Variants in NRG3 observed in about 807,000 individuals in gnomAD.
NRG3 encodes the protein pro-neuregulin-3, membrane-bound isoform.
In NRG3, 31 loss-of-function variants were observed where a neutral mutation model predicts 66.9. The ratio of observed to expected loss-of-function variants is 0.46; its 90% confidence interval spans 0.35 to 0.63. The LOEUF (loss-of-function observed/expected upper bound fraction) is 0.63. Ranked by LOEUF, NRG3 falls within the 20% of genes least tolerant of loss-of-function variation. The pLI is 0.00. For synonymous variants in NRG3, 393 were observed against 359.4 expected (o/e 1.09, Z -1.06); for missense variants, 910 against 878.9 (o/e 1.04, Z -0.45).
chr10:82,341,035 C>A lies in NRG3; in HGVS notation c.824-17704C>A, dbSNP rs138126523. On this transcript the variant is annotated intron_variant, in intron 1 of 8. Coordinates refer to ENST00000372141, the MANE Select transcript of NRG3 (RefSeq NM_001010848.4). ...GTATAAATGCTTGAGGAGATGGATA[C>A]CCCATTTTCCATGTTGTGATTATTA... Among the ~76,000 whole-genome samples the A allele has an allele frequency of 6.8e-3, 1,033 of 152,054 alleles. 6 individuals are homozygous for A. Among genetic ancestry groups the A allele is most frequent in the South Asian group, 0.026 (123 of 4,816 alleles).
intron 6 of NRG3, among the ~76,000 whole-genome samples, chr10:82,965,476 G>T (rs1189032180): frequency 6.6e-6 from 1 of 152,126 alleles, no homozygotes; most frequent in Admixed American, 6.5e-5. Context: ...TGGTTCACAC[G>T]TATGATCCCA....
At chr10:82,316,375 T>C (rs1051862136) in intron 1 of NRG3, among the ~76,000 whole-genome samples, 1 of 152,160 alleles carries the variant, frequency 6.6e-6, no homozygotes, top group Admixed American at 6.5e-5. Context: ...GTGAATTCTA[T>C]GAGGAGATAT....
In NRG3 at chr10:82,413,959, A is replaced by G. The variant is rs189637798; in HGVS notation, c.953+55091A>G. Among the ~76,000 whole-genome samples, 4 of 152,238 alleles carry G rather than the reference A, an allele frequency of 2.6e-5. No individual in the cohort carries two copies. The East Asian group carries it at 7.7e-4, about 29-fold the overall frequency. ...TTGTGGCTCGTTTGATCTTCTATTC[A>G]GACCACTAAAACTTTCTCCATATTA... On this transcript the variant is annotated intron_variant, in intron 2 of 8. Transcript: ENST00000372141.
chr10:82,700,078 G>A (rs1331921635), intron 2 of NRG3, among the ~76,000 whole-genome samples: 1 of 152,170 alleles, frequency 6.6e-6, no homozygotes, highest in Non-Finnish European at 1.5e-5. Context: ...TATTTCACGT[G>A]TGGTGGTCCA....
intron 1 of NRG3, among the ~76,000 whole-genome samples, chr10:82,171,081 T>C (rs1410235390): frequency 2.6e-5 from 4 of 152,044 alleles, no homozygotes; most frequent in Admixed American, 6.6e-5. Flanking sequence ...TTTTCTTTCA[T>C]TTTCTTTTCC....
At chr10:82,647,768 T>A (rs1334052020) in intron 2 of NRG3, among the ~76,000 whole-genome samples, 1 of 152,168 alleles carries the variant, frequency 6.6e-6, no homozygotes, top group Non-Finnish European at 1.5e-5. Flanking sequence ...TGGTGAGCAT[T>A]TTTTCATGTG....
intron 2 of NRG3, among the ~76,000 whole-genome samples, chr10:82,608,199 T>G (rs1432036424): frequency 1.3e-5 from 2 of 152,148 alleles, no homozygotes; most frequent in Non-Finnish European, 2.9e-5. Flanking sequence ...TGGATACAGA[T>G]TTTAGCTTGG....
chr10:82,178,991 A>G (rs1356893640), intron 1 of NRG3, among the ~76,000 whole-genome samples: 1 of 152,088 alleles, frequency 6.6e-6, no homozygotes, highest in Admixed American at 6.6e-5. Flanking sequence ...CTGATGATCA[A>G]TGATATTGAA....
intron 3 of NRG3, among the ~76,000 whole-genome samples, chr10:82,767,986 C>A (rs546849305): frequency 1.3e-5 from 2 of 151,976 alleles, no homozygotes; most frequent in Non-Finnish European, 2.9e-5. Flanking sequence ...TTGGAGCAGG[C>A]CTTCATTTTA....
At chr10:82,268,239 C>T (rs1388996827) in intron 1 of NRG3, among the ~76,000 whole-genome samples, 1 of 152,046 alleles carries the variant, frequency 6.6e-6, no homozygotes, top group Non-Finnish European at 1.5e-5. Flanking sequence ...TTATCATTTT[C>T]CTTTTTCAGA....
chr10:82,539,577 T>C (rs2043386586), intron 2 of NRG3, among the ~76,000 whole-genome samples: 1 of 152,156 alleles, frequency 6.6e-6, no homozygotes, highest in Non-Finnish European at 1.5e-5. Context: ...ATGATTTTTT[T>C]CAATCTAAGA....
chr10:82,675,239 G>A (rs1281514227), intron 2 of NRG3, among the ~76,000 whole-genome samples: 1 of 152,142 alleles, frequency 6.6e-6, no homozygotes, highest in African/African-American at 2.4e-5. Flanking sequence ...TTACAGGTGT[G>A]AGACACTGCA....
At chr10:82,493,048 G>A (rs1007070523) in intron 2 of NRG3, among the ~76,000 whole-genome samples, 2 of 152,074 alleles carry the variant, frequency 1.3e-5, no homozygotes, top group East Asian at 3.9e-4. Flanking sequence ...GTGCTCTCTG[G>A]AACAAGCGCA....
At chr10:82,897,287 G>A (rs149239142) in intron 4 of NRG3, among the ~76,000 whole-genome samples, 1 of 152,296 alleles carries the variant, frequency 6.6e-6, no homozygotes, top group East Asian at 1.9e-4. Flanking sequence ...TAATGCTTGA[G>A]AGAACAGAAT....
chr10:82,502,688 T>C (rs1844307247), intron 2 of NRG3, among the ~76,000 whole-genome samples: 1 of 152,168 alleles, frequency 6.6e-6, no homozygotes, highest in African/African-American at 2.4e-5. Flanking sequence ...TGCCTCAGTT[T>C]CCTCCTATAT....
chr10:82,129,285 G>A (rs1192155216), intron 1 of NRG3, among the ~76,000 whole-genome samples: 5 of 149,806 alleles, frequency 3.3e-5, no homozygotes, highest in African/African-American at 7.3e-5. Flanking sequence ...TACATTGTCA[G>A]AGGGCACAGT....
intron 3 of NRG3, among the ~76,000 whole-genome samples, chr10:82,745,395 G>C (rs1036792934): frequency 1.3e-5 from 2 of 152,056 alleles, no homozygotes; most frequent in Non-Finnish European, 2.9e-5. Flanking sequence ...ACTTTCCCCT[G>C]GTCTATTAAT....
chr10:81,981,798 G>A (rs1328332583), intron 1 of NRG3, among the ~76,000 whole-genome samples: 1 of 152,152 alleles, frequency 6.6e-6, no homozygotes, highest in Non-Finnish European at 1.5e-5. Context: ...CTCCCATCCT[G>A]TAGAATTCTG....
chr10:82,688,266 A>C (rs2054663729), intron 2 of NRG3, among the ~76,000 whole-genome samples: 1 of 152,230 alleles, frequency 6.6e-6, no homozygotes, highest in Non-Finnish European at 1.5e-5. Context: ...TTACATGTCT[A>C]ATCTGCCACC....
Sources: allele counts gnomAD v4.1 joint callset (sites outside exome capture counted in the v4.1 genomes callset), GRCh38; gene constraint gnomAD v4.1.1; transcripts MANE v1.5; gene names NCBI Gene and HGNC (gene_info 2026-07-23, HGNC 2026-07-21).